Variants in SYNE2 observed in about 807,000 individuals in gnomAD.
SYNE2 encodes the protein spectrin repeat containing nuclear envelope protein 2.
In SYNE2, 431 loss-of-function variants were observed where a neutral mutation model predicts 856.3. That is an observed-to-expected ratio of 0.50 (90% confidence interval 0.47 to 0.55). The LOEUF (loss-of-function observed/expected upper bound fraction) is 0.55, where lower values mean the gene tolerates loss of function less well. SYNE2 is among the 20% of genes least tolerant of loss of function. The probability of loss-of-function intolerance (pLI) is 0.00; values close to 1 mark genes in which losing one functional copy is unlikely to be tolerated. For synonymous variants in SYNE2, 2,923 were observed against 2,872.3 expected (o/e 1.02, Z -0.56); for missense variants, 8,129 against 8,023.2 (o/e 1.01, Z -0.50).
intron 35 of SYNE2, 104 bp downstream of exon 35, chr14:64,020,197 A>T: frequency 1.2e-6 from 1 of 810,356 alleles, no homozygotes. Flanking sequence ...TGTCTCTAAA[A>T]GAAGAAAAAA....
chr14:63,838,156 G>GT (rs1889924466), intron 1 of SYNE2, among the ~76,000 whole-genome samples: 2 of 152,076 alleles, frequency 1.3e-5, no homozygotes, highest in South Asian at 2.1e-4. Context: ...GATCATCTGG[G>GT]GTCAGGAGTT....
chr14:63,876,716 G>A (rs1331848811), intron 1 of SYNE2, among the ~76,000 whole-genome samples: 1 of 152,076 alleles, frequency 6.6e-6, no homozygotes, highest in African/African-American at 2.4e-5. Flanking sequence ...TCGATCTCCT[G>A]ACCTTGTGAT....
At chr14:64,030,105 C>A in intron 44 of SYNE2, 46 bp downstream of exon 44, 1 of 1,559,934 alleles carries the variant, frequency 6.4e-7, no homozygotes, top group Non-Finnish European at 8.8e-7. Flanking sequence ...AAAAAAAAAT[C>A]AGTGTTAATT....
At position 64,152,711 on chromosome 14, in the gene SYNE2, A is replaced by G. The variant is rs374995948; in HGVS notation, c.15787A>G (p.Thr5263Ala). Residue 5263 changes from threonine (T) to alanine (A), a missense_variant, in exon 85 of 116, where the codon ACT (threonine) becomes GCT (alanine). By Grantham distance (58) the Thr-to-Ala change is moderately conservative. This residue lies in a region of SYNE2 where 5,410 missense variants were observed against 5,284.8 expected (regional missense o/e 1.02). Transcript: ENST00000555002. ...ATTTCAAAAGAGAAGCAGTGTTCTC[A>G]CTCAGGTACTAGAATTCATTTGAAA... is the stretch of plus-strand genomic sequence containing the variant. ...ELFQKRSSVL[T>A]QVNQLKTSMQ... 7.4e-6 allele frequency: 12 copies of G among 1,613,968 alleles called. No individual in the cohort carries two copies. Among genetic ancestry groups the G allele is most frequent in the Non-Finnish European group, 1.0e-5 (12 of 1,179,988 alleles).
At chr14:64,220,206 G>A (rs1049066181) in intron 110 of SYNE2, among the ~76,000 whole-genome samples, 1 of 152,134 alleles carries the variant, frequency 6.6e-6, no homozygotes, top group African/African-American at 2.4e-5. Flanking sequence ...GGTCAGCAGG[G>A]TCTCCTCCCT....
chr14:64,164,869 T>G (rs112686424), intron 89 of SYNE2, among the ~76,000 whole-genome samples: 5,719 of 150,600 alleles, frequency 0.038, 330 homozygotes, highest in African/African-American at 0.13. Flanking sequence ...TTATTTTTTG[T>G]TTTTTTTTGT....
chr14:63,964,082 C>T (rs2096358177), intron 10 of SYNE2, 82 bp downstream of exon 10: 2 of 889,102 alleles, frequency 2.2e-6, no homozygotes, highest in Admixed American at 2.1e-5. Context: ...CTCTTTCAGG[C>T]TTAAGTATTT....
chr14:63,831,960 A>G (rs968931525), intron 1 of SYNE2, among the ~76,000 whole-genome samples: 10 of 152,228 alleles, frequency 6.6e-5, no homozygotes, highest in Admixed American at 4.6e-4. Flanking sequence ...TATTCAAGAG[A>G]CATTTTTATA....
chr14:63,986,576 G>A lies in SYNE2; in HGVS notation c.2272G>A (p.Asp758Asn). 6.2e-7 allele frequency: 1 copy of A among 1,614,134 alleles called. No homozygotes were observed. Among genetic ancestry groups the A allele is most frequent in the Non-Finnish European group, 8.5e-7 (1 of 1,180,008 alleles). Residue 758 changes from aspartate (D) to asparagine (N), a missense_variant, in exon 19 of 116, where the codon GAT becomes AAT. Asp to Asn is a conservative substitution (Grantham distance 23). Coordinates refer to ENST00000555002, the MANE Select transcript of SYNE2 (RefSeq NM_182914.3). ...IWEAEAKSVL[D>N]QDDVDTSMEE... Reference sequence around the variant, plus strand: ...GGAGGCAGAAGCCAAATCTGTTTTGGATCAAGATGATGTGGACACCTCAAT... The same window carrying A: ...GGAGGCAGAAGCCAAATCTGTTTTGAATCAAGATGATGTGGACACCTCAAT...
At chr14:63,878,947 G>A (rs928150157) in intron 1 of SYNE2, among the ~76,000 whole-genome samples, 1 of 152,340 alleles carries the variant, frequency 6.6e-6, no homozygotes, top group South Asian at 2.1e-4. Context: ...GACAGGTGTG[G>A]TGGCTCATGC....
intron 1 of SYNE2, among the ~76,000 whole-genome samples, chr14:63,839,304 C>T (rs1287680802): frequency 6.6e-6 from 1 of 152,160 alleles, no homozygotes; most frequent in Non-Finnish European, 1.5e-5. Context: ...GCTGGGATTA[C>T]AGGTGTGAGC....
At chr14:63,877,639 T>G (rs535991261) in intron 1 of SYNE2, among the ~76,000 whole-genome samples, 1 of 152,362 alleles carries the variant, frequency 6.6e-6, no homozygotes, top group Non-Finnish European at 1.5e-5. Context: ...TTTTCTGGGC[T>G]TCTCATAGGA....
At chr14:64,207,559 AAAG>A (rs1308451215) in intron 100 of SYNE2, among the ~76,000 whole-genome samples, 6 of 150,396 alleles carry the variant, frequency 4.0e-5, no homozygotes, top group South Asian at 4.2e-4. Flanking sequence ...AAAAAAAAAA[AAAG>A]AGAGTATGAA....
At chr14:64,186,399 A>G (rs1350675006) in intron 96 of SYNE2, 25 bp from the exon 97 acceptor site, 4 of 1,613,806 alleles carry the variant, frequency 2.5e-6, no homozygotes, top group Non-Finnish European at 3.4e-6. Context: ...AAGGCTTTTT[A>G]CCCCCTTCTT....
chr14:63,986,465 A>C lies in SYNE2; in HGVS notation c.2161A>C (p.Lys721Gln). The C allele has an allele frequency of 3.1e-6, 5 of 1,614,094 alleles. No individual in the cohort carries two copies. Among genetic ancestry groups the C allele is most frequent in the Non-Finnish European group, 4.2e-6 (5 of 1,179,980 alleles). ...NYNQNIKAGE[K>Q]HEKENEEFTG... ...CTTTTGAATGTTGTAGGCTGGAGAG[A>C]AACATGAAAAAGAAAATGAAGAATT... The change falls in exon 19 of 116, where the codon AAA (lysine) becomes CAA (glutamine). Residue 721 changes from lysine to glutamine, a missense_variant. Lys to Gln is a moderately conservative substitution (Grantham distance 53, BLOSUM62 1). This residue lies in a region of SYNE2 where 2,422 missense variants were observed against 2,357.4 expected (regional missense o/e 1.03). Coordinates refer to ENST00000555002, the MANE Select transcript of SYNE2 (RefSeq NM_182914.3).
At chr14:64,216,570 G>A (rs1265804663) in intron 108 of SYNE2, 183 bp downstream of exon 108, 9 of 735,144 alleles carry the variant, frequency 1.2e-5, no homozygotes, top group South Asian at 9.2e-5. Context: ...CGGCAAAACC[G>A]ATTAGACTTA....
At position 64,209,278 on chromosome 14, in the gene SYNE2, A is replaced by C; in HGVS notation, c.18390-150A>C. ...CTGCTTGGCGCTCCCAGGCAGGAGG[A>C]GCACAGACAAGAAGTGGCGTCCCTC... On this transcript the variant is annotated intron_variant, in intron 101 of 115. Coordinates refer to ENST00000555002, the MANE Select transcript of SYNE2 (RefSeq NM_182914.3). The C allele has an allele frequency of 4.6e-6, 6 of 1,308,346 alleles. No individual in the cohort carries two copies. In the South Asian group the frequency reaches 7.9e-5, roughly 17 times the overall value. The allele number at this position is 1,308,346 out of a possible 1,614,324, so 81.0% of individuals were successfully genotyped here.
intron 96 of SYNE2, among the ~76,000 whole-genome samples, chr14:64,185,326 A>G (rs1870852045): frequency 6.6e-6 from 1 of 152,106 alleles, no homozygotes; most frequent in African/African-American, 2.4e-5. Context: ...GACAGATAGG[A>G]GTGAAGACCC....
chr14:64,016,321 G>C (rs868656350), intron 32 of SYNE2, 152 bp from the exon 33 acceptor site: 22 of 546,416 alleles, frequency 4.0e-5, no homozygotes, highest in Non-Finnish European at 7.0e-5. Flanking sequence ...AAAGTGGGAC[G>C]ATAAAAACGT....
Sources: allele counts gnomAD v4.1 joint callset (sites outside exome capture counted in the v4.1 genomes callset), GRCh38; gene constraint gnomAD v4.1.1; regional missense constraint gnomAD v4.1.1; transcripts MANE v1.5; gene names NCBI Gene and HGNC (gene_info 2026-07-23, HGNC 2026-07-21).